NEURL1B: variants seen among roughly 807,000 people sequenced by gnomAD.
NEURL1B encodes the protein neuralized E3 ubiquitin protein ligase 1B.
Under a neutral mutation model 37.4 loss-of-function variants are expected in NEURL1B, and 13 were observed. That is an observed-to-expected ratio of 0.35 (90% CI 0.23 to 0.55). The LOEUF (loss-of-function observed/expected upper bound fraction) is 0.55, where lower values mean the gene tolerates loss of function less well. Ranked by LOEUF, NEURL1B falls within the 20% of genes least tolerant of loss-of-function variation. NEURL1B has a pLI of 0.89. For synonymous variants in NEURL1B, 432 were observed against 426.6 expected, an observed-to-expected ratio of 1.01 and a Z score of -0.16; for missense variants, 790 against 879.2, an observed-to-expected ratio of 0.90 and a Z score of 1.28.
Position 172,657,610 on chromosome 5 carries a change from C to T in NEURL1B, c.32-12175C>T, listed in dbSNP as rs369972428. 3.3e-4 allele frequency among the ~76,000 whole-genome samples: 51 copies of T among 152,270 alleles called. 1 individual carries two copies. In the South Asian group the frequency reaches 1.0e-2, roughly 30 times the overall value. On this transcript the variant is annotated intron_variant, in intron 1 of 4. Coordinates refer to ENST00000369800, the MANE Select transcript of NEURL1B (RefSeq NM_001142651.3). This position sits in a 1 kb window ranked among gnomAD's most constrained non-coding sequence, Gnocchi z 4.0. ...AAGGCAAGAGGTGAGTCTTCTGTCA[C>T]GCCCGCATAAGGGTTGCTTGAGGGC...
At chr5:172,658,782 G>A (rs992224663) in intron 1 of NEURL1B, among the ~76,000 whole-genome samples, 1 of 152,102 alleles carries the variant, frequency 6.6e-6, no homozygotes, top group Non-Finnish European at 1.5e-5. Context: ...CCGTCAGGAG[G>A]TTCCTGCAAG....
In NEURL1B at chr5:172,683,888, G is replaced by C; in HGVS notation, c.1047G>C (p.Val349=). The change falls in exon 3 of 5, where the codon GTG becomes GTC. Residue 349 remains valine (V), a synonymous_variant. Transcript: ENST00000369800. The surrounding 1 kb of genome is among the most constrained non-coding windows in gnomAD (Gnocchi z 5.6). ...GCATCACGTCGTGCGACCCGGGCGT[G>C]CTACGGCCCAACGAGCTGCCCGCCG... is the stretch of plus-strand genomic sequence containing the variant. ...AFGITSCDPG[V]LRPNELPADP... 7.1e-7 allele frequency: 1 copy of C among 1,412,792 alleles called. No individual in the cohort carries two copies. 87.5% of individuals were successfully genotyped at this position (1,412,792 alleles called of 1,614,324 possible).
At chr5:172,672,345 G>T (rs191196578) in intron 2 of NEURL1B, among the ~76,000 whole-genome samples, 51 of 152,198 alleles carry the variant, frequency 3.4e-4, no homozygotes, top group Admixed American at 9.2e-4. Context: ...CTTTTTTGGA[G>T]CTCTTTTTTC....
chr5:172,685,874 A>G (rs931230298), intron 3 of NEURL1B, among the ~76,000 whole-genome samples: 4 of 152,184 alleles, frequency 2.6e-5, no homozygotes, highest in African/African-American at 7.2e-5. Context: ...ACCACTATTG[A>G]GACCAGAGAG....
chr5:172,683,882 G>T lies in NEURL1B; in HGVS notation c.1041G>T (p.Pro347=). The T allele has an allele frequency of 7.1e-7, 1 of 1,408,694 alleles. No homozygotes were observed. 87.3% of individuals were successfully genotyped at this position (1,408,694 alleles called of 1,614,324 possible). A position where few individuals can be genotyped will look rare whatever the true frequency, so the allele number is the denominator to read the frequency against. Residue 347 remains proline, a synonymous_variant, in exon 3 of 5, where the codon CCG becomes CCT. Transcript: ENST00000369800. The surrounding 1 kb of genome is among the most constrained non-coding windows in gnomAD (Gnocchi z 5.6). The part of the protein sequence containing the change: ...ALAFGITSCD[P]GVLRPNELPA... ...CCTTCGGCATCACGTCGTGCGACCC[G>T]GGCGTGCTACGGCCCAACGAGCTGC...
chr5:172,664,054 A>G (rs1384760244), intron 1 of NEURL1B, among the ~76,000 whole-genome samples: 1 of 151,958 alleles, frequency 6.6e-6, no homozygotes, highest in Non-Finnish European at 1.5e-5. Flanking sequence ...ATGTGGGGAA[A>G]TGCTTTCGAT....
chr5:172,670,105 G>A lies in NEURL1B; in HGVS notation c.352G>A (p.Ala118Thr), dbSNP rs1212998086. 2.0e-6 allele frequency: 3 copies of A among 1,524,522 alleles called. No individual in the cohort carries two copies. The highest frequency in any genetic ancestry group is 2.0e-5 in the Admixed American group (1 of 48,964). The allele number at this position is 1,524,522 out of a possible 1,614,324, so 94.4% of individuals were successfully genotyped here. The change falls in exon 2 of 5, where the codon GCC becomes ACC. Residue 118 changes from alanine to threonine, a missense_variant. Physicochemically the swap from Ala to Thr is moderately conservative, Grantham distance 58. Transcript: ENST00000369800. Reference protein sequence around the residue: ...LMSAQDIPKYACPDLVTRPGY... With the variant: ...LMSAQDIPKYTCPDLVTRPGY... ...GAGCGCCCAGGACATCCCCAAGTACGCCTGCCCGGACCTGGTCACGCGGCC... is the reference window on the plus strand; with the variant it reads ...GAGCGCCCAGGACATCCCCAAGTACACCTGCCCGGACCTGGTCACGCGGCC...
At chr5:172,650,842 T>A (rs1028357826) in intron 1 of NEURL1B, among the ~76,000 whole-genome samples, 48 of 152,236 alleles carry the variant, frequency 3.2e-4, no homozygotes, top group African/African-American at 1.1e-3. Context: ...CTAAACTAAT[T>A]CCGATTGGCT....
chr5:172,670,359 G>A (rs746902278), intron 2 of NEURL1B, 29 bp downstream of exon 2: 53 of 1,339,570 alleles, frequency 4.0e-5, no homozygotes, highest in Non-Finnish European at 4.9e-5. Flanking sequence ...GCCCCCTGGG[G>A]ACCTGGCAGC....
At position 172,686,251 on chromosome 5, in the gene NEURL1B, A is replaced by C; in HGVS notation, c.1378A>C (p.Thr460Pro). 6.4e-7 allele frequency: 1 copy of C among 1,551,620 alleles called. No homozygotes were observed. The highest frequency in any genetic ancestry group is 8.7e-7 in the Non-Finnish European group (1 of 1,146,970). ...GSQDDSDSDM[T>P]FSVNQSSSAS... ...CCAGGACGATAGTGATTCAGATATG[A>C]CCTTCAGTGTCAACCAGTCCTCCTC... The change falls in exon 4 of 5, where the codon ACC (threonine) becomes CCC (proline). Residue 460 changes from threonine to proline, a missense_variant. This residue lies in a region of NEURL1B where 115 missense variants were observed against 162.6 expected (regional missense o/e 0.71). Coordinates refer to ENST00000369800, the MANE Select transcript of NEURL1B (RefSeq NM_001142651.3). The surrounding 1 kb of genome is among the most constrained non-coding windows in gnomAD (Gnocchi z 7.9).
chr5:172,651,583 C>T (rs565326071), intron 1 of NEURL1B, among the ~76,000 whole-genome samples: 98 of 152,308 alleles, frequency 6.4e-4, no homozygotes, highest in African/African-American at 2.2e-3. Context: ...GACGCAAACT[C>T]TTCCTCTTTC....
At chr5:172,660,081 A>G (rs1278957062) in intron 1 of NEURL1B, among the ~76,000 whole-genome samples, 1 of 151,944 alleles carries the variant, frequency 6.6e-6, no homozygotes, top group African/African-American at 2.4e-5. Context: ...GATGCTCTGT[A>G]AATGTCAGAT....
chr5:172,672,055 A>G (rs1758138704), intron 2 of NEURL1B, among the ~76,000 whole-genome samples: 1 of 152,252 alleles, frequency 6.6e-6, no homozygotes, highest in Admixed American at 6.5e-5. Flanking sequence ...ATAAGGTTAC[A>G]TGAGATGATG....
chr5:172,674,209 C>T (rs537201972), intron 2 of NEURL1B, among the ~76,000 whole-genome samples: 1 of 152,220 alleles, frequency 6.6e-6, no homozygotes, highest in South Asian at 2.1e-4. Context: ...CAATCCTTGT[C>T]TAAGAAGCAT....
chr5:172,684,621 C>T (rs1029737217), intron 3 of NEURL1B, among the ~76,000 whole-genome samples: 4 of 151,238 alleles, frequency 2.6e-5, no homozygotes, highest in East Asian at 2.0e-4. Flanking sequence ...AGAATAGTAT[C>T]GTCCACAGAA....
chr5:172,690,313 G>C lies in NEURL1B; in HGVS notation c.*3388G>C, dbSNP rs1008832036. 6.6e-6 allele frequency: 1 copy of C among 152,258 alleles called. No individual in the cohort carries two copies. The highest frequency in any genetic ancestry group is 6.5e-5 in the Admixed American group (1 of 15,282). 9.4% of individuals were successfully genotyped at this position (152,258 alleles called of 1,614,324 possible). On this transcript the variant is annotated 3_prime_UTR_variant, in exon 5 of 5. Transcript: ENST00000369800. ...CCCTCACGGCAGCACCACGTTTCCA[G>C]TCCCTCGATGCCACTAATCAGCATG...
At chr5:172,645,881 A>C (rs1202445920) in intron 1 of NEURL1B, among the ~76,000 whole-genome samples, 1 of 152,080 alleles carries the variant, frequency 6.6e-6, no homozygotes, top group East Asian at 1.9e-4. Context: ...CCAACACTCC[A>C]CGCAAGGCCT....
At chr5:172,666,620 G>A (rs1287088137) in intron 1 of NEURL1B, among the ~76,000 whole-genome samples, 2 of 152,184 alleles carry the variant, frequency 1.3e-5, no homozygotes, top group African/African-American at 4.8e-5. Flanking sequence ...AGGAAAACTG[G>A]AGCATAGTAG....
At chr5:172,664,204 C>G (rs1168757239) in intron 1 of NEURL1B, among the ~76,000 whole-genome samples, 1 of 152,132 alleles carries the variant, frequency 6.6e-6, no homozygotes, top group Non-Finnish European at 1.5e-5. Flanking sequence ...GGAAAAAGCA[C>G]GGGCTTGAGG....
Sources: gnomAD v4.1 joint callset for allele counts (sites outside exome capture counted in the v4.1 genomes callset) on GRCh38, gnomAD v4.1.1 for gene constraint, gnomAD v4.1.1 regional missense constraint, Gnocchi (gnomAD v3.1) non-coding constraint, MANE v1.5 for transcripts, NCBI Gene and HGNC (gene_info 2026-07-23, HGNC 2026-07-21) for gene names.